Variants in AKR1E2 observed in about 807,000 individuals in gnomAD.
The protein encoded by AKR1E2 is 1,5-anhydro-D-fructose reductase.
AKR1E2 carries 43 observed loss-of-function variants against 41.9 expected under a neutral mutation model. The observed-to-expected ratio is 1.03, with a 90% CI of 0.80 to 1.32. The LOEUF is 1.32. AKR1E2 is among the 40% of genes most tolerant of loss of function. The pLI is 0.00. For missense variants in AKR1E2, 423 were observed against 396.5 expected (o/e 1.07, Z -0.57); for synonymous variants, 121 against 138.9 (o/e 0.87, Z 0.91).
intron 6 of AKR1E2, among the ~76,000 whole-genome samples, chr10:4,841,047 G>A (rs1261987743): frequency 6.6e-6 from 1 of 152,182 alleles, no homozygotes; most frequent in Non-Finnish European, 1.5e-5. Context: ...GGAACCAGCT[G>A]GAGAGTCTCT....
chr10:4,867,677 G>A, the AKR1E2 span, among the ~76,000 whole-genome samples: 33,161 of 152,116 alleles, frequency 0.22, 3,831 homozygotes, highest in Middle Eastern at 0.33. Flanking sequence ...CCATTCATCC[G>A]TTGAAGAACT....
chr10:4,863,207 G>A, the AKR1E2 span, among the ~76,000 whole-genome samples: 2 of 152,034 alleles, frequency 1.3e-5, no homozygotes, highest in African/African-American at 2.4e-5. Context: ...CACATAGTTG[G>A]AAGTAAAGCA....
At chr10:4,842,569 G>C in intron 8 of AKR1E2, 65 bp downstream of exon 8, 1 of 1,459,074 alleles carries the variant, frequency 6.9e-7, no homozygotes, top group Non-Finnish European at 9.6e-7. Flanking sequence ...AGGGATGACT[G>C]CTGTAGCATA....
Position 4,830,607 on chromosome 10 carries a change from G to A in AKR1E2, c.40-68G>A, listed in dbSNP as rs1392630451. 2.5e-6 allele frequency: 4 copies of A among 1,577,108 alleles called. No homozygotes were observed. The Admixed American group carries it at 6.8e-5, about 27-fold the overall frequency. On this transcript the variant is annotated intron_variant, in intron 1 of 9. Coordinates refer to ENST00000298375, the MANE Select transcript of AKR1E2 (RefSeq NM_001040177.3). ...TGTATTATGTTGTCCACATGCTTGGGTGAAAGGGGAGATTTGTGTTGGATT... is the reference window on the plus strand; with the variant it reads ...TGTATTATGTTGTCCACATGCTTGGATGAAAGGGGAGATTTGTGTTGGATT...
intron 4 of AKR1E2, 50 bp from the exon 5 acceptor site, chr10:4,837,409 T>A (rs761717390): frequency 1.3e-6 from 2 of 1,596,952 alleles, no homozygotes; most frequent in Admixed American, 3.4e-5. Flanking sequence ...ACGTAGATTG[T>A]CAGTGCAGTA....
At chr10:4,848,898 T>G (rs1209274895), downstream of AKR1E2, among the ~76,000 whole-genome samples, 2 of 152,200 alleles carry the variant, frequency 1.3e-5, no homozygotes, top group Non-Finnish European at 2.9e-5. Context: ...ACCTCCCGGT[T>G]GTGGAGACAG....
At chr10:4,865,475 C>T in the AKR1E2 span, among the ~76,000 whole-genome samples, 1 of 151,934 alleles carries the variant, frequency 6.6e-6, no homozygotes, top group African/African-American at 2.4e-5. Flanking sequence ...TGAACCTGGG[C>T]CATAAAGTAA....
chr10:4,847,105 G>A, intron 8 of AKR1E2, 43 bp from the exon 9 acceptor site: 1 of 1,611,120 alleles, frequency 6.2e-7, no homozygotes, highest in East Asian at 2.2e-5. Context: ...CATTAAATGT[G>A]AATTAAACTA....
chr10:4,847,067 C>T (rs1444671188), intron 8 of AKR1E2, 81 bp from the exon 9 acceptor site: 1 of 1,485,280 alleles, frequency 6.7e-7, no homozygotes, highest in Non-Finnish European at 9.3e-7. Flanking sequence ...GCAGGTCTAG[C>T]ACTGTGCTAT....
chr10:4,833,797 A>G (rs1363624059), intron 3 of AKR1E2, among the ~76,000 whole-genome samples: 2 of 152,136 alleles, frequency 1.3e-5, no homozygotes, highest in Non-Finnish European at 2.9e-5. Context: ...GCTCAGAGAA[A>G]GTTCCCAGTG....
In AKR1E2 at chr10:4,847,566, A is replaced by G. The variant is rs1406923148; in HGVS notation, c.*36A>G. The G allele has an allele frequency of 6.2e-7, 1 of 1,607,378 alleles. No individual in the cohort carries two copies. ...CCTTCCTTGTTTCTGCTCAGCCCAG[A>G]TGCACAGACACTATTGGCAATGTTG... On this transcript the variant is annotated 3_prime_UTR_variant, in exon 10 of 10. Transcript: ENST00000298375.
At chr10:4,834,629 G>C (rs891881080) in intron 3 of AKR1E2, among the ~76,000 whole-genome samples, 1 of 152,214 alleles carries the variant, frequency 6.6e-6, no homozygotes, top group African/African-American at 2.4e-5. Flanking sequence ...CTCTTGGAGA[G>C]ATGATGAAAC....
At chr10:4,848,952 C>T (rs1039162849), downstream of AKR1E2, among the ~76,000 whole-genome samples, 1 of 152,222 alleles carries the variant, frequency 6.6e-6, no homozygotes. Flanking sequence ...ATTGTTACTG[C>T]GACCAGTATC....
At chr10:4,835,024 T>C (rs922404373) in intron 3 of AKR1E2, among the ~76,000 whole-genome samples, 2 of 152,242 alleles carry the variant, frequency 1.3e-5, no homozygotes, top group African/African-American at 4.8e-5. Flanking sequence ...TGTATCAGGC[T>C]GGAACATGTG....
At chr10:4,825,936 TGAGC>T (rs1438912671), upstream of AKR1E2, among the ~76,000 whole-genome samples, 1 of 152,104 alleles carries the variant, frequency 6.6e-6, no homozygotes, top group East Asian at 1.9e-4. Context: ...GGTGGGGGCG[TGAGC>T]GGCAATGCCA....
intron 5 of AKR1E2, 131 bp downstream of exon 5, chr10:4,837,712 C>A: frequency 7.2e-7 from 1 of 1,386,070 alleles, no homozygotes; most frequent in Non-Finnish European, 9.6e-7. Flanking sequence ...TGGCAGCACT[C>A]AGAATGGTGA....
At position 4,841,755 on chromosome 10, in the gene AKR1E2, G is replaced by T. The variant is rs147307556; in HGVS notation, c.681-30G>T. 1.6e-4 allele frequency: 242 copies of T among 1,472,984 alleles called. No homozygotes were observed. In the African/African-American group the frequency reaches 3.0e-3, roughly 18 times the overall value. The allele number at this position is 1,472,984 out of a possible 1,614,324, so 91.2% of individuals were successfully genotyped here. ...AAGGGGCATCCATGTTGGATCTCCT[G>T]GCTCACTCCCCTGTACTGTGTCTCT... On this transcript the variant is annotated intron_variant, in intron 6 of 9. Coordinates refer to ENST00000298375, the MANE Select transcript of AKR1E2 (RefSeq NM_001040177.3).
At chr10:4,836,224 G>C (rs1355528812) in intron 4 of AKR1E2, among the ~76,000 whole-genome samples, 1 of 152,146 alleles carries the variant, frequency 6.6e-6, no homozygotes, top group Non-Finnish European at 1.5e-5. Flanking sequence ...ATTTCAGAAT[G>C]ATAAAGTTGG....
chr10:4,862,502 A>C, the AKR1E2 span, among the ~76,000 whole-genome samples: 1 of 152,184 alleles, frequency 6.6e-6, no homozygotes, highest in African/African-American at 2.4e-5. Flanking sequence ...ATGACATTGA[A>C]TCTATAAATT....
Sources: allele counts gnomAD v4.1 joint callset (sites outside exome capture counted in the v4.1 genomes callset), GRCh38; gene constraint gnomAD v4.1.1; transcripts MANE v1.5; gene names NCBI Gene and HGNC (gene_info 2026-07-23, HGNC 2026-07-21).